Variants in TAF4B observed in about 807,000 individuals in gnomAD.
TAF4B encodes the protein TATA-box binding protein associated factor 4b, also known as transcription initiation factor TFIID subunit 4B.
Under a neutral mutation model 86.4 loss-of-function variants are expected in TAF4B, and 38 were observed. That is an observed-to-expected ratio of 0.44 (90% CI 0.34 to 0.58). TAF4B has a LOEUF of 0.58. Among genes scored for constraint, TAF4B ranks in the 20% least tolerant of loss-of-function variants. The pLI, the probability that TAF4B is intolerant of heterozygous loss-of-function variation, is 0.02. For synonymous variants in TAF4B, 388 were observed against 391.2 expected (o/e 0.99, Z 0.10); for missense variants, 988 against 1,027.6 (o/e 0.96, Z 0.53).
intron 14 of TAF4B, among the ~76,000 whole-genome samples, chr18:26,380,820 G>T (rs1478787469): frequency 6.6e-6 from 1 of 151,426 alleles, no homozygotes; most frequent in East Asian, 1.9e-4. Context: ...ACCAGAATGA[G>T]AATTCACTTG....
intron 1 of TAF4B, among the ~76,000 whole-genome samples, chr18:26,237,401 A>G (rs1006721398): frequency 6.6e-6 from 1 of 152,180 alleles, no homozygotes; most frequent in Non-Finnish European, 1.5e-5. Context: ...TCTGCTTTAA[A>G]TCAGAGAGGT....
At chr18:26,265,407 T>G in intron 2 of TAF4B, 92 bp downstream of exon 2, 2 of 1,373,768 alleles carry the variant, frequency 1.5e-6, no homozygotes, top group Non-Finnish European at 1.9e-6. Flanking sequence ...TAAAAAATAA[T>G]GTAAGACATG....
intron 1 of TAF4B, among the ~76,000 whole-genome samples, chr18:26,232,152 G>A (rs756065755): frequency 5.9e-5 from 9 of 152,128 alleles, no homozygotes; most frequent in African/African-American, 1.4e-4. Flanking sequence ...CAATCCTCTC[G>A]TAAGACAGAA....
chr18:26,226,954 A>G lies in TAF4B; in HGVS notation c.21A>G (p.Glu7=). 7.3e-7 allele frequency: 1 copy of G among 1,378,690 alleles called. No homozygotes were observed. Among genetic ancestry groups the G allele is most frequent in the East Asian group, 3.1e-5 (1 of 32,754 alleles). 85.4% of individuals were successfully genotyped at this position (1,378,690 alleles called of 1,614,324 possible). Residue 7 remains glutamate (E), a synonymous_variant, in exon 1 of 15, where the codon GAA becomes GAG. Transcript: ENST00000269142. MPAGLT[E]PAGAAPPAAV... ...GGGGGATGCCCGCCGGCCTCACCGAACCCGCCGGCGCCGCTCCCCCGGCTG... is the reference window on the plus strand; with the variant it reads ...GGGGGATGCCCGCCGGCCTCACCGAGCCCGCCGGCGCCGCTCCCCCGGCTG...
Position 26,226,579 on chromosome 18 carries a change from T to G in TAF4B, c.-355T>G. On this transcript the variant is annotated 5_prime_UTR_variant, in exon 1 of 15. Coordinates refer to ENST00000269142, the MANE Select transcript of TAF4B (RefSeq NM_005640.3). The stretch of plus-strand genomic sequence containing the variant: ...CAGCTGCGCAGTTAGGCTCGAGGTG[T>G]GAGCGACGACCTTCCGGGAGCCGCA... The G allele has an allele frequency of 5.0e-6, 1 of 200,830 alleles. No individual in the cohort carries two copies. The allele number at this position is 200,830 out of a possible 1,614,324, so 12.4% of individuals were successfully genotyped here. A position where few individuals can be genotyped will look rare whatever the true frequency, so the allele number is the denominator to read the frequency against.
At chr18:26,309,731 T>G (rs781576680) in intron 9 of TAF4B, among the ~76,000 whole-genome samples, 4 of 152,180 alleles carry the variant, frequency 2.6e-5, no homozygotes, top group African/African-American at 4.8e-5. Context: ...CACACAAAAT[T>G]ACATGAGAGG....
chr18:26,260,121 T>C (rs551474889), intron 1 of TAF4B, among the ~76,000 whole-genome samples: 3 of 152,320 alleles, frequency 2.0e-5, no homozygotes, highest in African/African-American at 7.2e-5. Flanking sequence ...ACCCACTTTT[T>C]GATGGGGTTT....
At position 26,346,759 on chromosome 18, in the gene TAF4B, G is replaced by GTGTATATATATATATATATATATA. The variant is rs1202008455; in HGVS notation, c.2317-10930_2317-10929insGTATATATATATATATATATATAT. On this transcript the variant is annotated intron_variant, in intron 13 of 14. Coordinates refer to ENST00000269142, the MANE Select transcript of TAF4B (RefSeq NM_005640.3). ...CAAGAATATATATATATATATGTGT[G>GTGTATATATATATATATATATATA]TATATATATATATATGTGTGTGTAT... 9.6e-4 allele frequency among the ~76,000 whole-genome samples: 26 copies of GTGTATATATATATATATATATATA among 27,142 alleles called. 4 individuals carry two copies. The highest frequency in any genetic ancestry group is 3.9e-3 in the East Asian group (2 of 512). 17.8% of individuals were successfully genotyped at this position (27,142 alleles called of 152,430 possible).
At chr18:26,293,593 G>A (rs1357343891) in intron 9 of TAF4B, 62 bp downstream of exon 9, 1 of 1,042,858 alleles carries the variant, frequency 9.6e-7, no homozygotes, top group Non-Finnish European at 1.4e-6. Flanking sequence ...AAGGAGAGAT[G>A]ACAGAATAAT....
chr18:26,239,547 C>T (rs564084959), intron 1 of TAF4B, among the ~76,000 whole-genome samples: 1 of 152,318 alleles, frequency 6.6e-6, no homozygotes, highest in African/African-American at 2.4e-5. Context: ...TGCCTGTTCA[C>T]TCTGATGGTA....
chr18:26,364,297 A>T (rs990762848), intron 14 of TAF4B, among the ~76,000 whole-genome samples: 1 of 152,182 alleles, frequency 6.6e-6, no homozygotes, highest in Non-Finnish European at 1.5e-5. Context: ...GAGGGTGGAA[A>T]AATAGTTAAA....
chr18:26,315,870 C>T (rs2056905821), intron 10 of TAF4B, among the ~76,000 whole-genome samples: 1 of 152,032 alleles, frequency 6.6e-6, no homozygotes. Flanking sequence ...TCTCTAGGCC[C>T]AGGAGTAGTT....
intron 14 of TAF4B, among the ~76,000 whole-genome samples, chr18:26,373,326 T>C (rs1001786258): frequency 6.6e-6 from 1 of 152,196 alleles, no homozygotes; most frequent in Non-Finnish European, 1.5e-5. Flanking sequence ...TTTCTCTTAG[T>C]GTTTTATCTC....
intron 3 of TAF4B, among the ~76,000 whole-genome samples, chr18:26,274,402 G>A (rs1051441496): frequency 1.3e-5 from 2 of 152,138 alleles, no homozygotes; most frequent in Admixed American, 6.5e-5. Context: ...TTTGCAGAGA[G>A]TAATCAGGAT....
At chr18:26,292,162 A>G in intron 7 of TAF4B, 84 bp from the exon 8 acceptor site, 1 of 1,453,518 alleles carries the variant, frequency 6.9e-7, no homozygotes, top group Non-Finnish European at 9.2e-7. Context: ...CTGGGGGAAC[A>G]CAATCTGTTG....
intron 1 of TAF4B, among the ~76,000 whole-genome samples, chr18:26,249,701 A>C (rs915271194): frequency 6.6e-6 from 1 of 152,156 alleles, no homozygotes; most frequent in African/African-American, 2.4e-5. Flanking sequence ...ACAATTTTCT[A>C]TATTGTGAAC....
chr18:26,377,142 T>A (rs912402367), intron 14 of TAF4B, among the ~76,000 whole-genome samples: 12 of 152,192 alleles, frequency 7.9e-5, no homozygotes, highest in African/African-American at 2.9e-4. Context: ...AGTGGTTTTT[T>A]CATGATGTCT....
rs1205361383 is a variant in TAF4B at position 26,346,873 on chromosome 18, A to ATG, written c.2317-10813_2317-10812dup. Among the ~76,000 whole-genome samples the ATG allele has an allele frequency of 1.2e-3, 15 of 12,284 alleles. 1 individual carries two copies. Among genetic ancestry groups the ATG allele is most frequent in the Admixed American group, 4.2e-3 (4 of 952 alleles). The allele number at this position is 12,284 out of a possible 152,430, so 8.1% of individuals were successfully genotyped here. On this transcript the variant is annotated intron_variant, in intron 13 of 14. Transcript: ENST00000269142. The stretch of plus-strand genomic sequence containing the variant: ...TATATATATATGTGTATATATATAT[A>ATG]TGTGTATATATATATATATATATAT...
intron 6 of TAF4B, among the ~76,000 whole-genome samples, chr18:26,285,210 C>CTTTTTGTTTTTGTTTTTGTTTTTGT (rs2056496451): frequency 2.4e-5 from 1 of 42,516 alleles, no homozygotes; most frequent in African/African-American, 8.0e-5. Context: ...TCTTCCTTTC[C>CTTTTTGTTTTTGTTTTTGTTTTTGT]TTTTTTTTTT....
Sources: gnomAD v4.1 joint callset for allele counts (sites outside exome capture counted in the v4.1 genomes callset) on GRCh38, gnomAD v4.1.1 for gene constraint, MANE v1.5 for transcripts, NCBI Gene and HGNC (gene_info 2026-07-23, HGNC 2026-07-21) for gene names.